Variants in OPCML observed in about 807,000 individuals in gnomAD.
OPCML encodes the protein opioid binding protein/cell adhesion molecule like, also known as opioid-binding protein/cell adhesion molecule.
A neutral mutation model predicts 37.8 loss-of-function variants in OPCML; 13 were observed. The ratio of observed to expected loss-of-function variants is 0.34; its 90% CI spans 0.22 to 0.55. The LOEUF (loss-of-function observed/expected upper bound fraction) is 0.55, where lower values mean the gene tolerates loss of function less well. Among genes scored for constraint, OPCML ranks in the 20% least tolerant of loss-of-function variants. The probability of loss-of-function intolerance (pLI) is 0.91; values close to 1 mark genes in which losing one functional copy is unlikely to be tolerated. For synonymous variants in OPCML, 176 were observed against 168.8 expected (o/e 1.04, Z -0.33); for missense variants, 341 against 435.6 (o/e 0.78, Z 1.93).
chr11:133,216,284 CAG>C (rs1376429006), intron 1 of OPCML, among the ~76,000 whole-genome samples: 1 of 152,146 alleles, frequency 6.6e-6, no homozygotes, highest in African/African-American at 2.4e-5. Context: ...TAAACCCAAA[CAG>C]AAAATTCCTC....
intron 1 of OPCML, among the ~76,000 whole-genome samples, chr11:132,981,611 G>A (rs891299493): frequency 7.2e-5 from 11 of 152,144 alleles, no homozygotes; most frequent in Admixed American, 3.3e-4. Context: ...TTAATCTGAC[G>A]ATTACACGTA....
At chr11:132,473,367 C>T (rs2096144163) in intron 4 of OPCML, among the ~76,000 whole-genome samples, 1 of 152,200 alleles carries the variant, frequency 6.6e-6, no homozygotes, top group South Asian at 2.1e-4. Context: ...AAGACCCAAT[C>T]TGTAAGTGAG....
chr11:133,309,816 A>G (rs893605483), intron 1 of OPCML, among the ~76,000 whole-genome samples: 2 of 152,144 alleles, frequency 1.3e-5, no homozygotes, highest in African/African-American at 4.8e-5. Flanking sequence ...AAGACCAGTG[A>G]TAGATGAGAT....
chr11:133,294,708 C>T (rs771486256), intron 1 of OPCML, among the ~76,000 whole-genome samples: 4 of 149,504 alleles, frequency 2.7e-5, no homozygotes, highest in Non-Finnish European at 5.9e-5. Flanking sequence ...GTGAGGTCTG[C>T]GGGATGCCAC....
At chr11:133,408,284 G>A (rs1445199005) in intron 1 of OPCML, among the ~76,000 whole-genome samples, 1 of 152,204 alleles carries the variant, frequency 6.6e-6, no homozygotes, top group Non-Finnish European at 1.5e-5. Context: ...AGTCTTTGGT[G>A]AATCAGTGAG....
At chr11:133,256,590 G>A (rs185733636) in intron 1 of OPCML, among the ~76,000 whole-genome samples, 4 of 152,204 alleles carry the variant, frequency 2.6e-5, no homozygotes, top group Non-Finnish European at 4.4e-5. Flanking sequence ...ATGATTTTAC[G>A]TGATATGTGG....
At chr11:133,256,789 AAGTGTGC>A (rs1376360087) in intron 1 of OPCML, among the ~76,000 whole-genome samples, 15 of 152,204 alleles carry the variant, frequency 9.9e-5, no homozygotes, top group African/African-American at 3.6e-4. Context: ...ATACAGTTAA[AAGTGTGC>A]AGTTTGGGAG....
At chr11:132,775,686 G>A in intron 2 of OPCML, among the ~76,000 whole-genome samples, 1 of 152,164 alleles carries the variant, frequency 6.6e-6, no homozygotes, top group East Asian at 1.9e-4. Flanking sequence ...ACCCACTAAA[G>A]TACCTCGGGT....
intron 1 of OPCML, among the ~76,000 whole-genome samples, chr11:133,384,858 G>C (rs1399038200): frequency 2.0e-5 from 3 of 152,238 alleles, no homozygotes; most frequent in Non-Finnish European, 4.4e-5. Context: ...CAGATGGCTG[G>C]ACATGAGTGG....
chr11:133,431,582 C>T (rs913465938), intron 1 of OPCML, among the ~76,000 whole-genome samples: 3 of 151,994 alleles, frequency 2.0e-5, no homozygotes, highest in Non-Finnish European at 4.4e-5. Flanking sequence ...TCTCCTCCAT[C>T]AGCCTCCTGA....
At chr11:132,656,142 T>A (rs966332779) in intron 3 of OPCML, among the ~76,000 whole-genome samples, 3 of 152,090 alleles carry the variant, frequency 2.0e-5, no homozygotes, top group Non-Finnish European at 2.9e-5. Context: ...ACGGAACTAA[T>A]GTGCTTACAA....
chr11:132,980,365 AT>A (rs2136786433), intron 1 of OPCML, among the ~76,000 whole-genome samples: 1 of 152,364 alleles, frequency 6.6e-6, no homozygotes, highest in East Asian at 1.9e-4. Flanking sequence ...TAAGTTTGGC[AT>A]TTTGTTATTA....
intron 4 of OPCML, among the ~76,000 whole-genome samples, chr11:132,488,318 G>A (rs147871719): frequency 1.3e-3 from 197 of 152,234 alleles, no homozygotes; most frequent in African/African-American, 3.8e-3. Flanking sequence ...TGTTGAAGGC[G>A]GTGTCATTCT....
chr11:132,507,594 A>G (rs1166501545), intron 4 of OPCML, among the ~76,000 whole-genome samples: 1 of 97,280 alleles, frequency 1.0e-5, no homozygotes, highest in African/African-American at 3.5e-5. Flanking sequence ...TAAAAACAAC[A>G]AAAATTTTTT....
At chr11:132,590,943 A>G (rs1256455742) in intron 3 of OPCML, among the ~76,000 whole-genome samples, 1 of 152,234 alleles carries the variant, frequency 6.6e-6, no homozygotes, top group African/African-American at 2.4e-5. Flanking sequence ...TAATTATCTC[A>G]GCACTTTCCA....
intron 4 of OPCML, among the ~76,000 whole-genome samples, chr11:132,438,393 T>G (rs1020924301): frequency 1.3e-5 from 2 of 152,218 alleles, no homozygotes; most frequent in African/African-American, 4.8e-5. Context: ...AACAAAAGTG[T>G]GAGCTTTCGC....
intron 1 of OPCML, among the ~76,000 whole-genome samples, chr11:133,214,854 AGAGT>A (rs1939517894): frequency 6.6e-6 from 1 of 152,180 alleles, no homozygotes; most frequent in Non-Finnish European, 1.5e-5. Context: ...GAGCCAATAG[AGAGT>A]GTGTGTCACA....
At chr11:132,603,378 C>T (rs1938058041) in intron 3 of OPCML, among the ~76,000 whole-genome samples, 1 of 152,204 alleles carries the variant, frequency 6.6e-6, no homozygotes, top group Non-Finnish European at 1.5e-5. Flanking sequence ...TCTTCTGCAG[C>T]TCCTTGCTTT....
At chr11:133,238,692 T>C (rs919009685) in intron 1 of OPCML, among the ~76,000 whole-genome samples, 17 of 152,202 alleles carry the variant, frequency 1.1e-4, no homozygotes, top group African/African-American at 3.9e-4. Flanking sequence ...ATGTGACTTC[T>C]GTCTCCGAGT....
Sources: gnomAD v4.1 joint callset for allele counts (sites outside exome capture counted in the v4.1 genomes callset) on GRCh38, gnomAD v4.1.1 for gene constraint, MANE v1.5 for transcripts, NCBI Gene and HGNC (gene_info 2026-07-23, HGNC 2026-07-21) for gene names.